RAB30: variants seen among roughly 807,000 people sequenced by gnomAD.
RAB30 encodes the protein RAB30, member RAS oncogene family.
In RAB30, 9 loss-of-function variants were observed where a neutral mutation model predicts 25.1. The ratio of observed to expected loss-of-function variants is 0.36; its 90% CI spans 0.22 to 0.63. The LOEUF is 0.63. Ranked by LOEUF, RAB30 falls within the 20% of genes least tolerant of loss-of-function variation. The pLI is 0.69. For synonymous variants in RAB30, 77 were observed against 86.4 expected (o/e 0.89, Z 0.60); for missense variants, 140 against 243.5 (o/e 0.58, Z 2.83).
At chr11:83,016,084 G>C (rs1857430392) in intron 1 of RAB30, among the ~76,000 whole-genome samples, 1 of 152,188 alleles carries the variant, frequency 6.6e-6, no homozygotes, top group Admixed American at 6.5e-5. Context: ...GATGCAGTGA[G>C]CTCTGATCAT....
At chr11:83,048,460 C>T (rs1046367515) in intron 1 of RAB30, among the ~76,000 whole-genome samples, 2 of 141,364 alleles carry the variant, frequency 1.4e-5, no homozygotes, top group Non-Finnish European at 3.0e-5. Flanking sequence ...AACAGTGAGA[C>T]ACTGTCTCAA....
intron 1 of RAB30, among the ~76,000 whole-genome samples, chr11:83,017,761 T>C (rs1477641604): frequency 6.6e-6 from 1 of 152,264 alleles, no homozygotes; most frequent in Non-Finnish European, 1.5e-5. Context: ...TACCATATTT[T>C]CTTTATCTGC....
At chr11:83,064,708 C>T (rs1858656181) in intron 1 of RAB30, among the ~76,000 whole-genome samples, 1 of 152,178 alleles carries the variant, frequency 6.6e-6, no homozygotes, top group African/African-American at 2.4e-5. Context: ...TCTAGCTTTG[C>T]TATGACATTC....
chr11:83,041,896 G>C (rs1190132028), intron 1 of RAB30, among the ~76,000 whole-genome samples: 1 of 151,856 alleles, frequency 6.6e-6, no homozygotes, highest in African/African-American at 2.4e-5. Flanking sequence ...ACAAAAATTA[G>C]ACAGGTGTGG....
chr11:82,981,945 C>T lies in RAB30; in HGVS notation c.*220G>A, dbSNP rs973214553. 6 of 593,318 alleles carry T rather than the reference C, an allele frequency of 1.0e-5. No individual in the cohort carries two copies. The highest frequency in any genetic ancestry group is 1.7e-5 in the Non-Finnish European group (6 of 343,624). 36.8% of individuals were successfully genotyped at this position (593,318 alleles called of 1,614,324 possible). A position where few individuals can be genotyped will look rare whatever the true frequency, so the allele number is the denominator to read the frequency against. On this transcript the variant is annotated 3_prime_UTR_variant, in exon 5 of 5. Transcript: ENST00000527633. ...CATGGAGTGCCTAGTGCAATTTTCT[C>T]CTTGCTCCAACTCCAGACTGGAAAA...
chr11:82,995,834 A>G, intron 2 of RAB30, among the ~76,000 whole-genome samples: 1 of 152,204 alleles, frequency 6.6e-6, no homozygotes, highest in East Asian at 1.9e-4. Context: ...TAAGATCCTA[A>G]GCAGGCATTT....
chr11:83,069,926 G>A (rs1466839349), intron 1 of RAB30, among the ~76,000 whole-genome samples: 1 of 152,214 alleles, frequency 6.6e-6, no homozygotes, highest in African/African-American at 2.4e-5. Flanking sequence ...CTTCAAAGAG[G>A]ATTCTGCAAA....
intron 1 of RAB30, among the ~76,000 whole-genome samples, chr11:83,065,666 C>T (rs1381793484): frequency 4.6e-5 from 7 of 152,116 alleles, no homozygotes. Flanking sequence ...TTATCTTTTT[C>T]CTCATTTTGT....
intron 1 of RAB30, among the ~76,000 whole-genome samples, chr11:83,042,005 G>A (rs530135508): frequency 4.7e-5 from 7 of 149,938 alleles, no homozygotes; most frequent in East Asian, 2.0e-4. Context: ...ACTCCAGCCT[G>A]GGCAACAGAG....
chr11:83,044,878 A>G (rs896228514), intron 1 of RAB30, among the ~76,000 whole-genome samples: 1 of 152,198 alleles, frequency 6.6e-6, no homozygotes, highest in Non-Finnish European at 1.5e-5. Flanking sequence ...CAGGTACCAC[A>G]TACAGAGAGA....
In RAB30 at chr11:82,977,245, A is replaced by G. The variant is rs369369177; in HGVS notation, c.*4920T>C. On this transcript the variant is annotated 3_prime_UTR_variant, in exon 5 of 5. Coordinates refer to ENST00000527633, the MANE Select transcript of RAB30 (RefSeq NM_001286060.2). ...ATGAATGGACCGACAAAGCAAGTCC[A>G]GCATAGGGCATAATGGAGGGCCAGT... 1 of 152,248 alleles carries G rather than the reference A, an allele frequency of 6.6e-6. No homozygotes were observed. The highest frequency in any genetic ancestry group is 1.5e-5 in the Non-Finnish European group (1 of 68,030). The allele number at this position is 152,248 out of a possible 1,614,324, so 9.4% of individuals were successfully genotyped here.
intron 1 of RAB30, among the ~76,000 whole-genome samples, chr11:83,044,080 TGAAAA>T (rs142414406): frequency 0.035 from 5,270 of 152,296 alleles, 134 homozygotes; most frequent in East Asian, 0.1. Flanking sequence ...GGATGGGACT[TGAAAA>T]GAACAAAGCT....
At chr11:83,058,802 C>T (rs2121520072) in intron 1 of RAB30, among the ~76,000 whole-genome samples, 2 of 152,344 alleles carry the variant, frequency 1.3e-5, no homozygotes, top group Middle Eastern at 6.8e-3. Flanking sequence ...ACCTGAGTCT[C>T]AGAGCAGTTA....
At chr11:82,994,228 G>A (rs2121457013) in intron 2 of RAB30, 106 bp from the exon 3 acceptor site, 1 of 902,584 alleles carries the variant, frequency 1.1e-6, no homozygotes, top group South Asian at 1.6e-5. Context: ...TCCTTCAGCT[G>A]AGGTGACTGG....
At chr11:82,995,049 C>T (rs1483258044) in intron 2 of RAB30, among the ~76,000 whole-genome samples, 1 of 152,206 alleles carries the variant, frequency 6.6e-6, no homozygotes, top group East Asian at 1.9e-4. Flanking sequence ...TTTACTATTA[C>T]ATAATGTTTC....
chr11:83,042,363 G>A (rs748115166), intron 1 of RAB30, among the ~76,000 whole-genome samples: 2 of 152,004 alleles, frequency 1.3e-5, no homozygotes, highest in Non-Finnish European at 2.9e-5. Flanking sequence ...GACCAGCCTG[G>A]GCAATACGGT....
chr11:83,063,763 G>C (rs945848045), intron 1 of RAB30, among the ~76,000 whole-genome samples: 1 of 152,060 alleles, frequency 6.6e-6, no homozygotes, highest in African/African-American at 2.4e-5. Context: ...TAGTGCCCTT[G>C]GACTCAGCAT....
rs1202822037 is a variant in RAB30, at chr11:82,997,478, A to T, written c.-8-154T>A. ...CGGTGACCCTGCCAGCTAGACAGAAACACAGGTGTTTGGTCACAGACGGAC... is the reference window on the plus strand; with the variant it reads ...CGGTGACCCTGCCAGCTAGACAGAATCACAGGTGTTTGGTCACAGACGGAC... On this transcript the variant is annotated intron_variant, in intron 1 of 4. Transcript: ENST00000527633. 8 of 603,382 alleles carry T rather than the reference A, an allele frequency of 1.3e-5. No homozygotes were observed. The East Asian group carries it at 2.3e-4, about 17-fold the overall frequency. 37.4% of individuals were successfully genotyped at this position (603,382 alleles called of 1,614,324 possible). A position where few individuals can be genotyped will look rare whatever the true frequency, so the allele number is the denominator to read the frequency against.
Position 82,974,927 on chromosome 11 carries a change from C to G in RAB30, c.*7238G>C, listed in dbSNP as rs1002758628. ...CTCCTGTATTATCTGAAATTTTGAG[C>G]AGAGTTTGTTGTTTTTTCTTTTTTT... On this transcript the variant is annotated 3_prime_UTR_variant, in exon 5 of 5. Coordinates refer to ENST00000527633, the MANE Select transcript of RAB30 (RefSeq NM_001286060.2). The G allele has an allele frequency of 6.7e-6, 1 of 149,338 alleles. No individual in the cohort carries two copies. Among genetic ancestry groups the G allele is most frequent in the Non-Finnish European group, 1.5e-5 (1 of 67,482 alleles). 9.3% of individuals were successfully genotyped at this position (149,338 alleles called of 1,614,324 possible). A position where few individuals can be genotyped will look rare whatever the true frequency, so the allele number is the denominator to read the frequency against.
Sources: allele counts gnomAD v4.1 joint callset (sites outside exome capture counted in the v4.1 genomes callset), GRCh38; gene constraint gnomAD v4.1.1; transcripts MANE v1.5; gene names NCBI Gene and HGNC (gene_info 2026-07-23, HGNC 2026-07-21).